DIP2C: variants seen among roughly 807,000 people sequenced by gnomAD.
DIP2C encodes the protein DIP2 acetate--CoA ligase C (putative), also known as disco-interacting protein 2 homolog C.
DIP2C carries 33 observed loss-of-function variants against 192.4 expected under a neutral mutation model. The observed-to-expected ratio is 0.17, with a 90% CI of 0.13 to 0.23. The LOEUF is 0.23. Ranked by LOEUF, DIP2C falls within the 10% of genes least tolerant of loss-of-function variation. DIP2C has a pLI of 1.00. For missense variants in DIP2C, 1,537 were observed against 2,110.1 expected (o/e 0.73, Z 5.32); for synonymous variants, 979 against 864.1 (o/e 1.13, Z -2.33).
chr10:544,075 G>A (rs992460955), intron 1 of DIP2C, among the ~76,000 whole-genome samples: 4 of 152,316 alleles, frequency 2.6e-5, no homozygotes, highest in East Asian at 1.9e-4. Context: ...CGTACAGTGC[G>A]TGACCTTTAG....
intron 31 of DIP2C, among the ~76,000 whole-genome samples, chr10:320,107 T>TA (rs1400088060): frequency 6.6e-6 from 1 of 152,236 alleles, no homozygotes; most frequent in African/African-American, 2.4e-5. Context: ...TATGAGCTTT[T>TA]AGCTGGTGAA....
intron 3 of DIP2C, among the ~76,000 whole-genome samples, chr10:443,240 G>C (rs1967891934): frequency 6.6e-6 from 1 of 152,126 alleles, no homozygotes; most frequent in African/African-American, 2.4e-5. Context: ...ATCCACTGAT[G>C]ATTTCCTGCC....
intron 1 of DIP2C, among the ~76,000 whole-genome samples, chr10:503,514 T>G (rs527727122): frequency 1.3e-5 from 2 of 152,338 alleles, no homozygotes; most frequent in African/African-American, 4.8e-5. Flanking sequence ...AAGATGTATC[T>G]TAAAGCTGGC....
At chr10:511,223 G>A (rs575078652) in intron 1 of DIP2C, among the ~76,000 whole-genome samples, 56 of 152,308 alleles carry the variant, frequency 3.7e-4, no homozygotes, top group African/African-American at 1.3e-3. Context: ...AGGTGCCAGC[G>A]TGGAGTTCCT....
chr10:648,335 A>G (rs541504868), intron 1 of DIP2C, among the ~76,000 whole-genome samples: 2 of 152,048 alleles, frequency 1.3e-5, no homozygotes, highest in Middle Eastern at 3.4e-3. Flanking sequence ...CCACGTCCAC[A>G]TTGGATGGTG....
At chr10:586,164 A>G (rs1003744997) in intron 1 of DIP2C, among the ~76,000 whole-genome samples, 8 of 152,062 alleles carry the variant, frequency 5.3e-5, no homozygotes, top group African/African-American at 1.4e-4. Flanking sequence ...ATTTCTCACA[A>G]CTTCTCTGGG....
intron 35 of DIP2C, among the ~76,000 whole-genome samples, chr10:282,971 G>A (rs1467072747): frequency 6.6e-6 from 1 of 152,250 alleles, no homozygotes; most frequent in Non-Finnish European, 1.5e-5. Flanking sequence ...GAGACTCTGA[G>A]CACTTTGCTG....
Position 514,313 on chromosome 10 carries a change from T to TC in DIP2C, c.86-27784dup, listed in dbSNP as rs565722721. 1.6e-4 allele frequency among the ~76,000 whole-genome samples: 25 copies of TC among 152,262 alleles called. No homozygotes were observed. The South Asian group carries it at 4.1e-3, about 25-fold the overall frequency. Reference sequence around the variant, plus strand: ...CTTGTTGAAGGCATGGCAACCCCACTCCTGGCCCAATTAAGTGAACTGAGC... The same window carrying TC: ...CTTGTTGAAGGCATGGCAACCCCACTCCCTGGCCCAATTAAGTGAACTGAGC... On this transcript the variant is annotated intron_variant, in intron 1 of 36. Coordinates refer to ENST00000280886, the MANE Select transcript of DIP2C (RefSeq NM_014974.3).
At chr10:455,319 G>C (rs963524462) in intron 3 of DIP2C, among the ~76,000 whole-genome samples, 2 of 144,798 alleles carry the variant, frequency 1.4e-5, no homozygotes, top group African/African-American at 5.0e-5. Flanking sequence ...GTCCCTGCCT[G>C]AGGGGAGACC....
In DIP2C at chr10:348,704, G is replaced by A. The variant is rs778152628; in HGVS notation, c.3168C>T (p.Thr1056=). Residue 1056 remains threonine (T), a synonymous_variant, in exon 26 of 37, where the codon ACC becomes ACT. Coordinates refer to ENST00000280886, the MANE Select transcript of DIP2C (RefSeq NM_014974.3). Reference sequence around the variant, plus strand: ...TGTTCTGTGGGTGCGGGGGACGGACGGTTATTGGCACACAGCCTGCGTACA... The same window carrying A: ...TGTTCTGTGGGTGCGGGGGACGGACAGTTATTGGCACACAGCCTGCGTACA... The part of the protein sequence containing the change: ...GCLYAGCVPI[T]VRPPHPQNIA... The A allele has an allele frequency of 1.4e-4, 225 of 1,613,890 alleles. No individual in the cohort carries two copies. Among genetic ancestry groups the A allele is most frequent in the Non-Finnish European group, 1.8e-4 (215 of 1,179,980 alleles).
chr10:507,639 G>T (rs1025757320), intron 1 of DIP2C, among the ~76,000 whole-genome samples: 3 of 152,206 alleles, frequency 2.0e-5, no homozygotes, highest in Non-Finnish European at 4.4e-5. Flanking sequence ...TTCAAAACTT[G>T]AAATCTTTAG....
intron 31 of DIP2C, among the ~76,000 whole-genome samples, chr10:320,246 G>A (rs1279374385): frequency 6.6e-6 from 1 of 152,150 alleles, no homozygotes. Context: ...CACACAGATT[G>A]GCACTTAAAA....
intron 28 of DIP2C, 78 bp downstream of exon 28, chr10:344,731 G>A: frequency 8.2e-7 from 1 of 1,226,346 alleles, no homozygotes; most frequent in South Asian, 1.3e-5. Flanking sequence ...GAGGCGCTGA[G>A]AGCCAGCACG....
intron 2 of DIP2C, among the ~76,000 whole-genome samples, chr10:475,300 T>A (rs1027344299): frequency 6.6e-6 from 1 of 152,224 alleles, no homozygotes; most frequent in Non-Finnish European, 1.5e-5. Context: ...ACCACAAATT[T>A]CTCTAACTTC....
rs149940018 is a variant in DIP2C, at chr10:440,923, G to A, written c.342C>T (p.Ser114=). Residue 114 remains serine, a synonymous_variant, in exon 4 of 37, where the codon TCC becomes TCT. Coordinates refer to ENST00000280886, the MANE Select transcript of DIP2C (RefSeq NM_014974.3). ...TCTGCACGACCAGGGACCTGCGTTT[G>A]GAAGGCATAGGCACTGCCATCTTCC... The part of the protein sequence containing the change: ...KERKMAVPMP[S]KRRSLVVQTS... 21 of 1,613,782 alleles carry A rather than the reference G, an allele frequency of 1.3e-5. No homozygotes were observed. The African/African-American group carries it at 2.5e-4, about 19-fold the overall frequency.
chr10:569,493 C>T (rs1235458337), intron 1 of DIP2C, among the ~76,000 whole-genome samples: 1 of 152,144 alleles, frequency 6.6e-6, no homozygotes, highest in Non-Finnish European at 1.5e-5. Flanking sequence ...TGAACTAGCT[C>T]AAACTCAAAC....
intron 1 of DIP2C, among the ~76,000 whole-genome samples, chr10:620,349 A>G (rs1853776420): frequency 6.6e-6 from 1 of 152,116 alleles, no homozygotes; most frequent in African/African-American, 2.4e-5. Context: ...AAGCAGTCAG[A>G]GGCACCTAAA....
intron 3 of DIP2C, among the ~76,000 whole-genome samples, chr10:460,773 A>G (rs1219393505): frequency 6.6e-6 from 1 of 152,316 alleles, no homozygotes; most frequent in East Asian, 1.9e-4. Context: ...CAAGATTAAA[A>G]TGAAGGAAAA....
intron 1 of DIP2C, among the ~76,000 whole-genome samples, chr10:600,506 G>T (rs1179055910): frequency 6.6e-6 from 1 of 151,904 alleles, no homozygotes; most frequent in Non-Finnish European, 1.5e-5. Context: ...GTGTTCGGAT[G>T]CTCCGGAGCG....
Sources: allele counts gnomAD v4.1 joint callset (sites outside exome capture counted in the v4.1 genomes callset), GRCh38; gene constraint gnomAD v4.1.1; transcripts MANE v1.5; gene names NCBI Gene and HGNC (gene_info 2026-07-23, HGNC 2026-07-21).